Variants in JAM2 observed in about 807,000 individuals in gnomAD.
JAM2 encodes the protein junctional adhesion molecule 2.
A neutral mutation model predicts 42.0 loss-of-function variants in JAM2; 17 were observed. That is an observed-to-expected ratio of 0.40 (90% CI 0.28 to 0.61). The LOEUF is 0.61. JAM2 is among the 20% of genes least tolerant of loss of function. The pLI is 0.37. For synonymous variants in JAM2, 118 were observed against 128.6 expected, an observed-to-expected ratio of 0.92 and a Z score of 0.56; for missense variants, 319 against 358.3, an observed-to-expected ratio of 0.89 and a Z score of 0.89.
At chr21:25,707,986 C>G (rs1191538583) in intron 7 of JAM2, among the ~76,000 whole-genome samples, 1 of 151,932 alleles carries the variant, frequency 6.6e-6, no homozygotes, top group Non-Finnish European at 1.5e-5. Flanking sequence ...GCTGGGACTA[C>G]AGGCACATAC....
intron 9 of JAM2, among the ~76,000 whole-genome samples, chr21:25,713,749 G>T (rs2034427916): frequency 6.6e-6 from 1 of 152,266 alleles, no homozygotes; most frequent in Non-Finnish European, 1.5e-5. Flanking sequence ...CCATTTTTGT[G>T]CCTACAATTT....
intron 8 of JAM2, chr21:25,710,107 T>C (rs2034352234): frequency 6.6e-6 from 1 of 152,156 alleles, no homozygotes; most frequent in African/African-American, 2.4e-5. Context: ...ACAGAGAGAA[T>C]GATGATTACC....
At position 25,639,612 on chromosome 21, in the gene JAM2, G is replaced by C. The variant is rs1033188930; in HGVS notation, c.-210G>C. The C allele has an allele frequency of 7.7e-6, 4 of 521,660 alleles. No individual in the cohort carries two copies. In the African/African-American group the frequency reaches 8.1e-5, roughly 11 times the overall value. The allele number at this position is 521,660 out of a possible 1,614,324, so 32.3% of individuals were successfully genotyped here. Reference sequence around the variant, plus strand: ...CAAAACAGAACAGACCCCCATCCCTGGGCTGGAGGACCCGCCTCTTGGCAG... The same window carrying C: ...CAAAACAGAACAGACCCCCATCCCTCGGCTGGAGGACCCGCCTCTTGGCAG... On this transcript the variant is annotated 5_prime_UTR_variant, in exon 1 of 10. Transcript: ENST00000480456.
At chr21:25,682,353 C>A (rs1465858005) in intron 1 of JAM2, among the ~76,000 whole-genome samples, 2 of 152,198 alleles carry the variant, frequency 1.3e-5, no homozygotes, top group South Asian at 4.2e-4. Flanking sequence ...ATACTTTCTT[C>A]TTTAGTACTA....
rs557030494 is a variant in JAM2 at position 25,696,543 on chromosome 21, C to T, written c.395-2134C>T. On this transcript the variant is annotated intron_variant, in intron 4 of 9. Transcript: ENST00000480456. The stretch of plus-strand genomic sequence containing the variant: ...TTGCAGCAGATCCGGCCAGTTTATT[C>T]ATTTTCTAGTGTTACATAACAACTA... Among the ~76,000 whole-genome samples the T allele has an allele frequency of 1.4e-3, 217 of 152,302 alleles. 1 individual carries two copies. Among genetic ancestry groups the T allele is most frequent in the Non-Finnish European group, 2.9e-3 (194 of 68,028 alleles).
intron 6 of JAM2, among the ~76,000 whole-genome samples, chr21:25,704,516 T>C (rs1481017198): frequency 6.6e-6 from 1 of 152,240 alleles, no homozygotes; most frequent in Non-Finnish European, 1.5e-5. Flanking sequence ...TTCCAAAATG[T>C]ACATTGCTTT....
At chr21:25,664,608 A>G (rs945650909) in intron 1 of JAM2, among the ~76,000 whole-genome samples, 1 of 152,208 alleles carries the variant, frequency 6.6e-6, no homozygotes, top group South Asian at 2.1e-4. Flanking sequence ...TCCCTCTTTG[A>G]AAGTCTGCCA....
chr21:25,666,694 C>T (rs2033233323), intron 1 of JAM2, among the ~76,000 whole-genome samples: 1 of 152,064 alleles, frequency 6.6e-6, no homozygotes, highest in Admixed American at 6.6e-5. Flanking sequence ...ACATACCATG[C>T]CCAGCTAACT....
At chr21:25,642,371 A>T (rs2032470683) in intron 1 of JAM2, among the ~76,000 whole-genome samples, 1 of 152,080 alleles carries the variant, frequency 6.6e-6, no homozygotes, top group African/African-American at 2.4e-5. Context: ...TTTGTTTTAT[A>T]CTTTGGGTTA....
chr21:25,716,551 C>T lies in JAM2; in HGVS notation c.*1879C>T, dbSNP rs2034484283. 1 of 151,890 alleles carries T rather than the reference C, an allele frequency of 6.6e-6. No homozygotes were observed. The highest frequency in any genetic ancestry group is 6.5e-5 in the Admixed American group (1 of 15,268). The allele number at this position is 151,890 out of a possible 1,614,324, so 9.4% of individuals were successfully genotyped here. A position where few individuals can be genotyped will look rare whatever the true frequency, so the allele number is the denominator to read the frequency against. Reference sequence around the variant, plus strand: ...ATTTTCACCACGAGTCAGGGATCGGCAAACATTTTCTGTAAAGAGCCAGAA... The same window carrying T: ...ATTTTCACCACGAGTCAGGGATCGGTAAACATTTTCTGTAAAGAGCCAGAA... On this transcript the variant is annotated 3_prime_UTR_variant, in exon 10 of 10. Coordinates refer to ENST00000480456, the MANE Select transcript of JAM2 (RefSeq NM_021219.4).
At chr21:25,683,768 G>T in intron 1 of JAM2, 115 bp from the exon 2 acceptor site, 3 of 682,600 alleles carry the variant, frequency 4.4e-6, no homozygotes, top group Non-Finnish European at 7.6e-6. Flanking sequence ...GTTATGAATT[G>T]GGTAAACTTG....
rs1195243301 is a variant in JAM2, at chr21:25,698,459, C to G, written c.395-218C>G. Among the ~76,000 whole-genome samples, 5 of 152,144 alleles carry G rather than the reference C, an allele frequency of 3.3e-5. 1 individual carries two copies. Among genetic ancestry groups the G allele is most frequent in the African/African-American group, 1.2e-4 (5 of 41,420 alleles). On this transcript the variant is annotated intron_variant, in intron 4 of 9. Coordinates refer to ENST00000480456, the MANE Select transcript of JAM2 (RefSeq NM_021219.4). ...TCATGTATATGACCCCATCTGGCAACAAGAGTGCTGGGAAACATGGTCGAC... is the reference window on the plus strand; with the variant it reads ...TCATGTATATGACCCCATCTGGCAAGAAGAGTGCTGGGAAACATGGTCGAC...
At chr21:25,658,841 A>T (rs1481814953) in intron 1 of JAM2, among the ~76,000 whole-genome samples, 1 of 152,232 alleles carries the variant, frequency 6.6e-6, no homozygotes, top group Non-Finnish European at 1.5e-5. Context: ...CAGTGTCATA[A>T]ATGAGAAACA....
chr21:25,655,891 A>C (rs2032925623), intron 1 of JAM2, among the ~76,000 whole-genome samples: 1 of 150,020 alleles, frequency 6.7e-6, no homozygotes, highest in Admixed American at 6.7e-5. Context: ...AAAGCTATTT[A>C]TTTAGTCTAT....
chr21:25,714,101 G>A (rs6516687), intron 9 of JAM2: 233,767 of 1,136,472 alleles, frequency 0.21, 28,657 homozygotes, highest in African/African-American at 0.53. Flanking sequence ...AACAGGATTT[G>A]TCTGCCTCTG....
chr21:25,644,774 G>A (rs1000369897), intron 1 of JAM2, among the ~76,000 whole-genome samples: 3 of 152,188 alleles, frequency 2.0e-5, no homozygotes, highest in African/African-American at 2.4e-5. Flanking sequence ...TTTCAGTGCT[G>A]TAGCCAAGAA....
chr21:25,674,312 T>C (rs1172339856), intron 1 of JAM2, among the ~76,000 whole-genome samples: 1 of 152,110 alleles, frequency 6.6e-6, no homozygotes, highest in Non-Finnish European at 1.5e-5. Flanking sequence ...TGAGAATCAC[T>C]TGAACCTGGG....
intron 1 of JAM2, among the ~76,000 whole-genome samples, chr21:25,666,286 A>C (rs1293231533): frequency 7.1e-6 from 1 of 141,792 alleles, no homozygotes; most frequent in African/African-American, 2.7e-5. Flanking sequence ...ATAGTAATAG[A>C]GATTTTTAAA....
At chr21:25,696,492 A>G (rs577685103) in intron 4 of JAM2, among the ~76,000 whole-genome samples, 1 of 152,208 alleles carries the variant, frequency 6.6e-6, no homozygotes. Flanking sequence ...ATGCACTAGT[A>G]TAGGAGAAAT....
Sources: gnomAD v4.1 joint callset for allele counts (sites outside exome capture counted in the v4.1 genomes callset) on GRCh38, gnomAD v4.1.1 for gene constraint, MANE v1.5 for transcripts, NCBI Gene and HGNC (gene_info 2026-07-23, HGNC 2026-07-21) for gene names.